The following WWC1 variants were observed in gnomAD, a reference collection of about 807,000 sequenced individuals.
WWC1 encodes WW and C2 domain containing 1.
A neutral mutation model predicts 138.4 loss-of-function variants in WWC1; 55 were observed. That is an observed-to-expected ratio of 0.40 (90% confidence interval 0.32 to 0.50). The LOEUF (loss-of-function observed/expected upper bound fraction) is 0.50, where lower values mean the gene tolerates loss of function less well. Among genes scored for constraint, WWC1 ranks in the 20% least tolerant of loss-of-function variants. The probability of loss-of-function intolerance (pLI) is 0.72; values close to 1 mark genes in which losing one functional copy is unlikely to be tolerated. For synonymous variants in WWC1, 524 were observed against 564.9 expected, an observed-to-expected ratio of 0.93 and a Z score of 1.03; for missense variants, 1,226 against 1,420.4, an observed-to-expected ratio of 0.86 and a Z score of 2.20.
chr5:168,409,667 G>T (rs1221931408), intron 7 of WWC1, among the ~76,000 whole-genome samples: 1 of 152,228 alleles, frequency 6.6e-6, no homozygotes, highest in East Asian at 1.9e-4. Flanking sequence ...GGGGCTGCAA[G>T]ATGATATTCT....
chr5:168,422,697 C>G (rs1227937143), intron 10 of WWC1, among the ~76,000 whole-genome samples: 2 of 152,156 alleles, frequency 1.3e-5, no homozygotes, highest in Non-Finnish European at 2.9e-5. Flanking sequence ...ACCTGGGCCT[C>G]CATGAACAAC....
At chr5:168,374,395 CGGG>C (rs1461857997) in intron 2 of WWC1, among the ~76,000 whole-genome samples, 1 of 140,308 alleles carries the variant, frequency 7.1e-6, no homozygotes, top group East Asian at 2.1e-4. Context: ...TGTGGTCTTC[CGGG>C]AAGAAGATCT....
intron 3 of WWC1, among the ~76,000 whole-genome samples, chr5:168,391,673 A>G (rs538606633): frequency 6.8e-6 from 1 of 147,140 alleles, no homozygotes; most frequent in Admixed American, 6.8e-5. Context: ...AAAAAAAAAC[A>G]AAAAAACTAA....
chr5:168,441,269 G>A (rs1174141370), intron 15 of WWC1, among the ~76,000 whole-genome samples: 1 of 152,128 alleles, frequency 6.6e-6, no homozygotes, highest in African/African-American at 2.4e-5. Flanking sequence ...TGTGGGGAAG[G>A]GGAAAAAGAG....
In WWC1 at chr5:168,371,490, A is replaced by G. The variant is rs1776747755; in HGVS notation, c.186A>G (p.Ala62=). 6.2e-7 allele frequency: 1 copy of G among 1,614,114 alleles called. No homozygotes were observed. The highest frequency in any genetic ancestry group is 2.2e-5 in the East Asian group (1 of 44,866). ...SDELPLGWEE[A]YDPQVGDYFI... Reference sequence around the variant, plus strand: ...AGTTGCCGCTAGGATGGGAAGAGGCATATGACCCACAGGTTGGAGATTACT... The same window carrying G: ...AGTTGCCGCTAGGATGGGAAGAGGCGTATGACCCACAGGTTGGAGATTACT... The change falls in exon 2 of 23, where the codon GCA becomes GCG. Residue 62 remains alanine (A), a synonymous_variant. Coordinates refer to ENST00000265293, the MANE Select transcript of WWC1 (RefSeq NM_015238.3).
intron 5 of WWC1, among the ~76,000 whole-genome samples, chr5:168,403,075 TTTCTTTTCTTTCTTTTCTTTC>T (rs1561712533): frequency 2.2e-4 from 30 of 133,606 alleles, no homozygotes; most frequent in Non-Finnish European, 3.7e-4. Flanking sequence ...TCTTTCTTTC[TTTCTTTTCTTTCTTTTCTTTC>T]TTTCTTTCTT....
In WWC1 at chr5:168,460,734, A is replaced by G. The variant is rs778172527; in HGVS notation, c.2908A>G (p.Met970Val). Residue 970 changes from methionine to valine, a missense_variant, in exon 20 of 23, where the codon ATG (methionine) becomes GTG (valine). Transcript: ENST00000265293. Reference sequence around the variant, plus strand: ...CTCCCTGGAGCGACGCAGCGTCCGGATGAAGCGGGTAAGAGAGTCACCTCA... The same window carrying G: ...CTCCCTGGAGCGACGCAGCGTCCGGGTGAAGCGGGTAAGAGAGTCACCTCA... ...RNSLERRSVR[M>V]KRPSSVKSLR... 5 of 1,614,160 alleles carry G rather than the reference A, an allele frequency of 3.1e-6. No individual in the cohort carries two copies. The South Asian group carries it at 4.4e-5, about 14-fold the overall frequency.
chr5:168,353,525 G>T (rs1386262715), intron 1 of WWC1, among the ~76,000 whole-genome samples: 1 of 152,186 alleles, frequency 6.6e-6, no homozygotes, highest in East Asian at 1.9e-4. Context: ...GCCCCTCAAT[G>T]GCATGCCAGC....
chr5:168,395,386 C>T (rs542797090), intron 3 of WWC1, among the ~76,000 whole-genome samples: 48 of 152,330 alleles, frequency 3.2e-4, no homozygotes, highest in African/African-American at 1.1e-3. Context: ...TCTTCTTTCA[C>T]CTTGTATTAC....
chr5:168,344,631 A>G (rs1240015824), intron 1 of WWC1, among the ~76,000 whole-genome samples: 3 of 152,236 alleles, frequency 2.0e-5, no homozygotes, highest in Non-Finnish European at 4.4e-5. Flanking sequence ...TGTGAAGGGA[A>G]GAAACTCTGA....
chr5:168,386,045 C>T (rs1778022119), intron 3 of WWC1, among the ~76,000 whole-genome samples: 1 of 152,030 alleles, frequency 6.6e-6, no homozygotes, highest in Non-Finnish European at 1.5e-5. Context: ...TAATTTTCCA[C>T]CTCAGTGCCT....
rs1757682755 is a variant in WWC1 at position 168,471,842 on chromosome 5, G to T, written c.*2825G>T. 6.6e-6 allele frequency: 1 copy of T among 152,314 alleles called. No homozygotes were observed. Among genetic ancestry groups the T allele is most frequent in the Non-Finnish European group, 1.5e-5 (1 of 68,102 alleles). 9.4% of individuals were successfully genotyped at this position (152,314 alleles called of 1,614,324 possible). A position where few individuals can be genotyped will look rare whatever the true frequency, so the allele number is the denominator to read the frequency against. ...TGCAAGAGATGGAGACAGAATGGGGGTGTCCTGGGGATCTTGGAGCCTGAA... is the reference window on the plus strand; with the variant it reads ...TGCAAGAGATGGAGACAGAATGGGGTTGTCCTGGGGATCTTGGAGCCTGAA... On this transcript the variant is annotated 3_prime_UTR_variant, in exon 23 of 23. Coordinates refer to ENST00000265293, the MANE Select transcript of WWC1 (RefSeq NM_015238.3).
chr5:168,416,700 T>C (rs1465245145), intron 9 of WWC1, among the ~76,000 whole-genome samples: 1 of 152,180 alleles, frequency 6.6e-6, no homozygotes, highest in Non-Finnish European at 1.5e-5. Flanking sequence ...CGCTTCTCAC[T>C]TGCTGACCTT....
chr5:168,332,890 G>A (rs991628928), intron 1 of WWC1, among the ~76,000 whole-genome samples: 1 of 152,010 alleles, frequency 6.6e-6, no homozygotes, highest in African/African-American at 2.4e-5. Context: ...TGTATTTTTT[G>A]TAGAGACAGG....
intron 15 of WWC1, 150 bp downstream of exon 15, chr5:168,431,594 C>T (rs953448779): frequency 2.9e-4 from 253 of 886,758 alleles, no homozygotes; most frequent in Non-Finnish European, 3.9e-4. Context: ...CAATCAGGCT[C>T]ATCTTGGATT....
intron 9 of WWC1, among the ~76,000 whole-genome samples, chr5:168,420,536 T>G (rs1781009794): frequency 1.3e-5 from 2 of 152,112 alleles, no homozygotes; most frequent in African/African-American, 4.8e-5. Flanking sequence ...CAGATGGTAA[T>G]CTCATTCAGG....
chr5:168,340,789 T>C (rs1773978088), intron 1 of WWC1, among the ~76,000 whole-genome samples: 1 of 152,262 alleles, frequency 6.6e-6, no homozygotes, highest in Non-Finnish European at 1.5e-5. Flanking sequence ...TGAATGCTGC[T>C]ATGAACATTC....
intron 3 of WWC1, among the ~76,000 whole-genome samples, chr5:168,392,086 A>G (rs760232943): frequency 6.6e-6 from 1 of 152,152 alleles, no homozygotes; most frequent in African/African-American, 2.4e-5. Flanking sequence ...CAGTCAGGCA[A>G]CCACCATCTT....
chr5:168,423,598 G>T lies in WWC1; in HGVS notation c.1340G>T (p.Gly447Val). ...SSPGSLTSSR[G>V]SLVASSLDSS... Reference sequence around the variant, plus strand: ...CCCGGATCCCTCACGTCCAGCCGGGGCTCCCTGGTTGCATCCAGCCTGGAC... The same window carrying T: ...CCCGGATCCCTCACGTCCAGCCGGGTCTCCCTGGTTGCATCCAGCCTGGAC... Residue 447 changes from glycine to valine, a missense_variant, in exon 11 of 23, where the codon GGC (glycine) becomes GTC (valine). Coordinates refer to ENST00000265293, the MANE Select transcript of WWC1 (RefSeq NM_015238.3). 2 of 1,614,068 alleles carry T rather than the reference G, an allele frequency of 1.2e-6. No homozygotes were observed. The highest frequency in any genetic ancestry group is 8.5e-7 in the Non-Finnish European group (1 of 1,180,008).
Sources: gnomAD v4.1 joint callset for allele counts (sites outside exome capture counted in the v4.1 genomes callset) on GRCh38, gnomAD v4.1.1 for gene constraint, MANE v1.5 for transcripts, NCBI Gene and HGNC (gene_info 2026-07-23, HGNC 2026-07-21) for gene names.